The following CADPS variants were observed in gnomAD, a reference collection of about 807,000 sequenced individuals.
CADPS encodes the protein calcium-dependent secretion activator 1.
Under a neutral mutation model 167.3 loss-of-function variants are expected in CADPS, and 57 were observed. The ratio of observed to expected loss-of-function variants is 0.34; its 90% CI spans 0.28 to 0.42. The LOEUF (loss-of-function observed/expected upper bound fraction) is 0.42. CADPS is among the 20% of genes least tolerant of loss of function. The probability of loss-of-function intolerance (pLI) is 1.00; values close to 1 mark genes in which losing one functional copy is unlikely to be tolerated. For missense variants in CADPS, 1,414 were observed against 1,738.1 expected (o/e 0.81, Z 3.32); for synonymous variants, 676 against 635.3 (o/e 1.06, Z -0.96).
intron 8 of CADPS, among the ~76,000 whole-genome samples, chr3:62,581,356 T>C (rs2083397234): frequency 6.6e-6 from 1 of 151,754 alleles, no homozygotes; most frequent in African/African-American, 2.4e-5. Context: ...TCTTCTATTA[T>C]GTCTTTTCAC....
At chr3:62,446,000 C>T (rs531617463) in intron 26 of CADPS, among the ~76,000 whole-genome samples, 3 of 152,246 alleles carry the variant, frequency 2.0e-5, no homozygotes, top group South Asian at 4.2e-4. Flanking sequence ...AGAATGCACA[C>T]GCAAATTTAC....
chr3:62,417,668 G>T (rs1177818480), intron 28 of CADPS, among the ~76,000 whole-genome samples: 1 of 151,918 alleles, frequency 6.6e-6, no homozygotes, highest in African/African-American at 2.4e-5. Flanking sequence ...TTGGAAAAAA[G>T]TTCTATAGTG....
rs1310610576 is a variant in CADPS at position 62,745,086 on chromosome 3, GCTTT to G, written c.888+8351_888+8354del. ...AGTAACTGAGTATATGCATCTTTTT[GCTTT>G]CTTTTTTTTTGAGACAGGGTCTTGC... On this transcript the variant is annotated intron_variant, in intron 3 of 29. Transcript: ENST00000383710. 1.1e-4 allele frequency among the ~76,000 whole-genome samples: 12 copies of G among 113,266 alleles called. No individual in the cohort carries two copies. The South Asian group carries it at 3.4e-3, about 32-fold the overall frequency. The allele number at this position is 113,266 out of a possible 152,430, so 74.3% of individuals were successfully genotyped here.
intron 10 of CADPS, among the ~76,000 whole-genome samples, chr3:62,556,991 AACAACACACACAC>A (rs1435433928): frequency 2.4e-5 from 3 of 122,838 alleles, no homozygotes; most frequent in East Asian, 4.7e-4. Flanking sequence ...ACTGGTGAAA[AACAACACACACAC>A]ACACACACAC....
chr3:62,729,424 A>G (rs1467487355), intron 3 of CADPS, among the ~76,000 whole-genome samples: 1 of 151,846 alleles, frequency 6.6e-6, no homozygotes, highest in Non-Finnish European at 1.5e-5. Context: ...TGACTTGCTA[A>G]TTCAGCCCCA....
chr3:62,484,949 T>G (rs2062581691), intron 21 of CADPS, among the ~76,000 whole-genome samples: 2 of 152,192 alleles, frequency 1.3e-5, no homozygotes, highest in East Asian at 3.9e-4. Context: ...GTGTTTGTTC[T>G]TAGGTCTAAT....
intron 1 of CADPS, among the ~76,000 whole-genome samples, chr3:62,817,339 C>T (rs1388222029): frequency 6.6e-6 from 1 of 152,066 alleles, no homozygotes; most frequent in Non-Finnish European, 1.5e-5. Context: ...GCACACTTTC[C>T]TGAGGAAGAG....
At chr3:62,628,171 G>T (rs561778920) in intron 6 of CADPS, among the ~76,000 whole-genome samples, 2 of 152,172 alleles carry the variant, frequency 1.3e-5, no homozygotes, top group Admixed American at 1.3e-4. Context: ...TCCCTGACAC[G>T]TGCAGAGGAG....
chr3:62,575,873 G>T (rs1461792806), intron 8 of CADPS, among the ~76,000 whole-genome samples: 1 of 152,188 alleles, frequency 6.6e-6, no homozygotes, highest in Non-Finnish European at 1.5e-5. Context: ...TCTGCTTGAG[G>T]GAGGGGCTTT....
Position 62,601,784 on chromosome 3 carries a change from G to T in CADPS, c.1326-9036C>A, listed in dbSNP as rs2060010231. 6.6e-6 allele frequency among the ~76,000 whole-genome samples: 1 copy of T among 152,176 alleles called. No individual in the cohort carries two copies. Among genetic ancestry groups the T allele is most frequent in the Non-Finnish European group, 1.5e-5 (1 of 68,034 alleles). On this transcript the variant is annotated intron_variant, in intron 6 of 29. Coordinates refer to ENST00000383710, the MANE Select transcript of CADPS (RefSeq NM_003716.4). The surrounding 1 kb of genome is among the most constrained non-coding windows in gnomAD (Gnocchi z 4.3). ...TAGGGGGATGGGGATGACTTTTAAA[G>T]TCACAGCACATTATTTCTCCAAACC...
At chr3:62,669,975 G>A (rs77831741) in intron 3 of CADPS, among the ~76,000 whole-genome samples, 1 of 152,100 alleles carries the variant, frequency 6.6e-6, no homozygotes, top group East Asian at 1.9e-4. Flanking sequence ...TAGTTTGCCT[G>A]TAGTTTCAGA....
At chr3:62,408,835 A>G (rs1213271388) in intron 28 of CADPS, among the ~76,000 whole-genome samples, 2 of 152,200 alleles carry the variant, frequency 1.3e-5, no homozygotes. Flanking sequence ...TTCATACTCA[A>G]TTGTCACAAG....
rs75526981 is a variant in CADPS, at chr3:62,546,127, A to ATTT, written c.1966+3773_1966+3775dup. ...AAACCTTTTTAAAATGCAATACTTG[A>ATTT]TTTTTTTTTTTTTTTACATTTTTTG... is the stretch of plus-strand genomic sequence containing the variant. On this transcript the variant is annotated intron_variant, in intron 11 of 29. Coordinates refer to ENST00000383710, the MANE Select transcript of CADPS (RefSeq NM_003716.4). Among the ~76,000 whole-genome samples the ATTT allele has an allele frequency of 5.1e-3, 726 of 143,624 alleles. 7 individuals are homozygous for ATTT. The highest frequency in any genetic ancestry group is 0.02 in the South Asian group (88 of 4,482). 94.2% of individuals were successfully genotyped at this position (143,624 alleles called of 152,430 possible). A position where few individuals can be genotyped will look rare whatever the true frequency, so the allele number is the denominator to read the frequency against.
intron 8 of CADPS, among the ~76,000 whole-genome samples, chr3:62,574,136 G>A (rs1553934352): frequency 6.6e-6 from 1 of 152,054 alleles, no homozygotes; most frequent in Non-Finnish European, 1.5e-5. Context: ...ACACCACCTG[G>A]ACCATGACAG....
chr3:62,450,318 G>C (rs1269722638), intron 26 of CADPS, among the ~76,000 whole-genome samples: 1 of 152,184 alleles, frequency 6.6e-6, no homozygotes, highest in African/African-American at 2.4e-5. Flanking sequence ...TGAGAGGGCA[G>C]TTCCCCAGGC....
chr3:62,820,641 A>C (rs2094859440), intron 1 of CADPS, among the ~76,000 whole-genome samples: 1 of 152,166 alleles, frequency 6.6e-6, no homozygotes, highest in Admixed American at 6.5e-5. Flanking sequence ...TACTATCTGA[A>C]GGGTGAAAGC....
At chr3:62,622,018 C>T (rs2063270163) in intron 6 of CADPS, among the ~76,000 whole-genome samples, 1 of 151,968 alleles carries the variant, frequency 6.6e-6, no homozygotes, top group South Asian at 2.1e-4. Flanking sequence ...CTACAAGTTT[C>T]ACGTCCTCTG....
chr3:62,713,630 C>T (rs923846189), intron 3 of CADPS, among the ~76,000 whole-genome samples: 3 of 152,340 alleles, frequency 2.0e-5, no homozygotes, highest in Non-Finnish European at 2.9e-5. Flanking sequence ...TGTACCCTGC[C>T]GCTTCCATTA....
At position 62,536,503 on chromosome 3, in the gene CADPS, A is replaced by G; in HGVS notation, c.2045T>C (p.Phe682Ser). The G allele has an allele frequency of 6.2e-7, 1 of 1,613,036 alleles. No individual in the cohort carries two copies. The highest frequency in any genetic ancestry group is 8.5e-7 in the Non-Finnish European group (1 of 1,179,096). The part of the protein sequence containing the change: ...NPCNFDHASL[F>S]EMVQRLTLDH... Reference sequence around the variant, plus strand: ...CAAAGTAAGGCGTTGTACCATCTCAAAGAGGGAAGCGTGGTCAAAGTTACA... The same window carrying G: ...CAAAGTAAGGCGTTGTACCATCTCAGAGAGGGAAGCGTGGTCAAAGTTACA... The change falls in exon 12 of 30, where the codon TTT becomes TCT. Residue 682 changes from phenylalanine to serine, a missense_variant. By Grantham distance (155) the Phe-to-Ser change is radical. This residue lies in a region of CADPS where 529 missense variants were observed against 629.6 expected (regional missense o/e 0.84). Transcript: ENST00000383710.
Sources: gnomAD v4.1 joint callset for allele counts (sites outside exome capture counted in the v4.1 genomes callset) on GRCh38, gnomAD v4.1.1 for gene constraint, gnomAD v4.1.1 regional missense constraint, Gnocchi (gnomAD v3.1) non-coding constraint, MANE v1.5 for transcripts, NCBI Gene and HGNC (gene_info 2026-07-23, HGNC 2026-07-21) for gene names.